Variants in VPS13B observed in about 807,000 individuals in gnomAD.
VPS13B encodes the protein intermembrane lipid transfer protein VPS13B.
Under a neutral mutation model 426.4 loss-of-function variants are expected in VPS13B, and 285 were observed. That is an observed-to-expected ratio of 0.67 (90% CI 0.61 to 0.74). The LOEUF (loss-of-function observed/expected upper bound fraction) is 0.74, where lower values mean the gene tolerates loss of function less well. Among genes scored for constraint, VPS13B ranks in the 30% least tolerant of loss-of-function variants. The pLI is 0.00. For synonymous variants in VPS13B, 1,676 were observed against 1,676.4 expected, an observed-to-expected ratio of 1.00 and a Z score of 0.01; for missense variants, 4,537 against 4,782.6, an observed-to-expected ratio of 0.95 and a Z score of 1.51.
At chr8:99,108,019 C>A (rs1230926764) in intron 5 of VPS13B, among the ~76,000 whole-genome samples, 1 of 152,098 alleles carries the variant, frequency 6.6e-6, no homozygotes, top group African/African-American at 2.4e-5. Flanking sequence ...CTCAAGTAGG[C>A]CTTGGTATTT....
At chr8:99,499,020 C>G (rs1821087296) in intron 25 of VPS13B, among the ~76,000 whole-genome samples, 1 of 151,950 alleles carries the variant, frequency 6.6e-6, no homozygotes, top group Non-Finnish European at 1.5e-5. Context: ...TGAAGCAGGC[C>G]AAGGATGAAG....
intron 19 of VPS13B, among the ~76,000 whole-genome samples, chr8:99,342,649 T>C (rs1811316615): frequency 6.6e-6 from 1 of 152,242 alleles, no homozygotes; most frequent in Non-Finnish European, 1.5e-5. Flanking sequence ...TATCCGTTGA[T>C]AGCCAGTTAG....
intron 33 of VPS13B, among the ~76,000 whole-genome samples, chr8:99,594,601 A>G (rs1826896716): frequency 6.6e-6 from 1 of 152,004 alleles, no homozygotes; most frequent in South Asian, 2.1e-4. Flanking sequence ...GATTGGATAA[A>G]AGAATGATGT....
chr8:99,199,073 C>G (rs1341544077), intron 17 of VPS13B, among the ~76,000 whole-genome samples: 1 of 152,162 alleles, frequency 6.6e-6, no homozygotes, highest in African/African-American at 2.4e-5. Flanking sequence ...TGCTTTACAA[C>G]TAGTTTTCAT....
At chr8:99,695,987 G>A (rs922524031) in intron 35 of VPS13B, 1 of 152,472 alleles carries the variant, frequency 6.6e-6, no homozygotes, top group East Asian at 1.9e-4. Flanking sequence ...CAACATCCTG[G>A]GGTTGAGGAG....
intron 13 of VPS13B, among the ~76,000 whole-genome samples, chr8:99,145,857 T>A (rs1248276450): frequency 6.6e-6 from 1 of 152,244 alleles, no homozygotes; most frequent in Non-Finnish European, 1.5e-5. Flanking sequence ...GTTTATTATT[T>A]TTTTTAAAGA....
chr8:99,468,771 T>C (rs1819244885), intron 24 of VPS13B, among the ~76,000 whole-genome samples: 1 of 152,212 alleles, frequency 6.6e-6, no homozygotes, highest in Non-Finnish European at 1.5e-5. Context: ...GAAGCAGTAT[T>C]AATCATAAAT....
At chr8:99,833,139 A>G (rs1815175127) in intron 52 of VPS13B, among the ~76,000 whole-genome samples, 1 of 152,248 alleles carries the variant, frequency 6.6e-6, no homozygotes, top group Non-Finnish European at 1.5e-5. Context: ...GATAACTTAG[A>G]TAAACACAAG....
intron 35 of VPS13B, among the ~76,000 whole-genome samples, chr8:99,692,172 T>C (rs2130094660): frequency 6.8e-6 from 1 of 147,646 alleles, no homozygotes; most frequent in Non-Finnish European, 1.5e-5. Context: ...GGAATTGAAC[T>C]CAGCTGTGCA....
chr8:99,416,348 C>T (rs1816003710), intron 21 of VPS13B, among the ~76,000 whole-genome samples: 1 of 152,180 alleles, frequency 6.6e-6, no homozygotes, highest in Admixed American at 6.5e-5. Context: ...TCTTAGCTTG[C>T]TGGGCTCCGT....
chr8:99,074,353 C>T (rs1157698839), intron 3 of VPS13B, among the ~76,000 whole-genome samples: 1 of 151,752 alleles, frequency 6.6e-6, no homozygotes, highest in Admixed American at 6.6e-5. Flanking sequence ...TGTTGTATCA[C>T]GTTTATTGAT....
chr8:99,757,134 GTTC>G (rs930093682), intron 39 of VPS13B, among the ~76,000 whole-genome samples: 9 of 152,150 alleles, frequency 5.9e-5, no homozygotes, highest in Admixed American at 5.2e-4. Flanking sequence ...ATATATAGCT[GTTC>G]TTCTGCTATA....
chr8:99,036,060 T>C (rs1842731368), intron 2 of VPS13B, among the ~76,000 whole-genome samples: 1 of 152,152 alleles, frequency 6.6e-6, no homozygotes, highest in Admixed American at 6.5e-5. Flanking sequence ...TAGTACCTTA[T>C]CAGATAGATG....
intron 2 of VPS13B, among the ~76,000 whole-genome samples, chr8:99,035,636 G>T (rs1024656815): frequency 6.6e-5 from 10 of 152,150 alleles, no homozygotes; most frequent in Non-Finnish European, 1.5e-4. Context: ...TTGAACATGG[G>T]TGTGTGAATA....
intron 16 of VPS13B, among the ~76,000 whole-genome samples, chr8:99,173,349 AC>A (rs1240111124): frequency 6.6e-6 from 1 of 152,118 alleles, no homozygotes; most frequent in African/African-American, 2.4e-5. Flanking sequence ...GCTCAGAGTG[AC>A]ACCAGGGTAA....
chr8:99,466,367 A>G (rs1395553809), intron 23 of VPS13B, among the ~76,000 whole-genome samples: 6 of 152,158 alleles, frequency 3.9e-5, no homozygotes, highest in Non-Finnish European at 8.8e-5. Flanking sequence ...TAATTGAATT[A>G]CTAAAAATGA....
chr8:99,752,520 C>T (rs527707091), intron 39 of VPS13B, among the ~76,000 whole-genome samples: 34 of 152,282 alleles, frequency 2.2e-4, no homozygotes, highest in Middle Eastern at 3.4e-3. Context: ...ACAGAGACCA[C>T]GTGGCAAACA....
Position 99,848,773 on chromosome 8 carries a change from C to T in VPS13B, c.9943-3C>T. The T allele has an allele frequency of 6.2e-7, 1 of 1,613,200 alleles. No homozygotes were observed. ...AATCAGATTTTGAATATTCTTTCTG[C>T]AGGTTGTGTTCCTGACTGGCTTTGG... On this transcript the variant is annotated splice_polypyrimidine_tract_variant and splice_region_variant and intron_variant, in intron 54 of 61. Coordinates refer to ENST00000357162, the MANE Select transcript of VPS13B (RefSeq NM_152564.5).
At chr8:99,531,839 C>T (rs115015786) in intron 30 of VPS13B, among the ~76,000 whole-genome samples, 1,791 of 151,938 alleles carry the variant, frequency 0.012, 33 homozygotes, top group African/African-American at 0.041. Context: ...CAGTATATAT[C>T]GACCACCTAT....
Sources: gnomAD v4.1 joint callset for allele counts (sites outside exome capture counted in the v4.1 genomes callset) on GRCh38, gnomAD v4.1.1 for gene constraint, MANE v1.5 for transcripts, NCBI Gene and HGNC (gene_info 2026-07-23, HGNC 2026-07-21) for gene names.